The following SLC24A2 variants were observed in gnomAD, a reference collection of about 807,000 sequenced individuals.
The protein encoded by SLC24A2 is solute carrier family 24 member 2, also known as sodium/potassium/calcium exchanger 2.
Under a neutral mutation model 62.0 loss-of-function variants are expected in SLC24A2, and 36 were observed. The ratio of observed to expected loss-of-function variants is 0.58; its 90% confidence interval spans 0.44 to 0.77. The LOEUF (loss-of-function observed/expected upper bound fraction) is 0.77. Among genes scored for constraint, SLC24A2 ranks in the 30% least tolerant of loss-of-function variants. SLC24A2 has a pLI of 0.00. For missense variants in SLC24A2, 846 were observed against 817.9 expected (o/e 1.03, Z -0.42); for synonymous variants, 358 against 294.0 (o/e 1.22, Z -2.23).
the SLC24A2 span, among the ~76,000 whole-genome samples, chr9:20,038,044 G>C: frequency 6.6e-6 from 1 of 152,212 alleles, no homozygotes; most frequent in African/African-American, 2.4e-5. Flanking sequence ...TTATCTGAGA[G>C]TATAAATGTT....
At chr9:19,916,721 A>G in the SLC24A2 span, among the ~76,000 whole-genome samples, 2 of 151,998 alleles carry the variant, frequency 1.3e-5, no homozygotes, top group African/African-American at 2.4e-5. Context: ...ATATGGATGT[A>G]TAATAGTCAC....
chr9:19,605,170 A>G (rs1836949318), intron 4 of SLC24A2, among the ~76,000 whole-genome samples: 1 of 152,226 alleles, frequency 6.6e-6, no homozygotes, highest in South Asian at 2.1e-4. Flanking sequence ...AGGGCATGCC[A>G]TTATCTTTTG....
chr9:19,652,873 C>A (rs1191398736), intron 2 of SLC24A2, among the ~76,000 whole-genome samples: 8 of 151,688 alleles, frequency 5.3e-5, no homozygotes, highest in African/African-American at 1.9e-4. Context: ...TCGTGAAGCC[C>A]CTGCTATGTG....
the SLC24A2 span, among the ~76,000 whole-genome samples, chr9:20,117,060 G>A: frequency 1.3e-5 from 2 of 151,990 alleles, no homozygotes; most frequent in Non-Finnish European, 2.9e-5. Context: ...ATTTCATCTG[G>A]CAGGATTAGG....
At chr9:20,091,121 G>C in the SLC24A2 span, among the ~76,000 whole-genome samples, 3 of 150,626 alleles carry the variant, frequency 2.0e-5, no homozygotes, top group African/African-American at 7.3e-5. Context: ...TTGAAGACTG[G>C]CTCTCTGAAA....
chr9:20,030,097 A>G, the SLC24A2 span, among the ~76,000 whole-genome samples: 70,723 of 152,012 alleles, frequency 0.47, 17,556 homozygotes, highest in East Asian at 0.72. Flanking sequence ...TTAGACCTAG[A>G]GAGCAGCATA....
chr9:19,880,675 T>C, the SLC24A2 span, among the ~76,000 whole-genome samples: 1 of 151,898 alleles, frequency 6.6e-6, no homozygotes, highest in Non-Finnish European at 1.5e-5. Flanking sequence ...GTGTGGGAAA[T>C]GAAAGAAAGA....
At chr9:20,167,652 G>A in the SLC24A2 span, among the ~76,000 whole-genome samples, 1 of 151,972 alleles carries the variant, frequency 6.6e-6, no homozygotes, top group Admixed American at 6.6e-5. Flanking sequence ...AAGGTATAAG[G>A]TGAGACTAGA....
Position 19,667,498 on chromosome 9 carries a change from C to T in SLC24A2, c.931-45199G>A, listed in dbSNP as rs1819288586. Among the ~76,000 whole-genome samples, 5 of 152,294 alleles carry T rather than the reference C, an allele frequency of 3.3e-5. 1 individual carries two copies. The South Asian group carries it at 1.0e-3, about 32-fold the overall frequency. ...CTTCAGCTCCTTCCTTCTTTCCACC[C>T]CTATGTTTGCTCCCTGGACCAAGTG... On this transcript the variant is annotated intron_variant, in intron 2 of 10. Coordinates refer to ENST00000341998, the MANE Select transcript of SLC24A2 (RefSeq NM_020344.4).
intron 8 of SLC24A2, among the ~76,000 whole-genome samples, chr9:19,536,432 A>T (rs1833980758): frequency 9.1e-6 from 1 of 109,938 alleles, no homozygotes; most frequent in Non-Finnish European, 1.8e-5. Flanking sequence ...ATTCCCACCT[A>T]TGAGTGAGAA....
chr9:20,194,133 A>G, the SLC24A2 span, among the ~76,000 whole-genome samples: 1 of 152,100 alleles, frequency 6.6e-6, no homozygotes, highest in Non-Finnish European at 1.5e-5. Context: ...TCCACTAAGT[A>G]GAACTCTGGA....
intron 2 of SLC24A2, among the ~76,000 whole-genome samples, chr9:19,636,315 T>TTTCCTTTCCTTTCCTC (rs1554690361): frequency 2.5e-5 from 1 of 40,328 alleles, no homozygotes; most frequent in African/African-American, 1.2e-4. Context: ...TTTTCTTTTC[T>TTTCCTTTCCTTTCCTC]TTTCTTTCTT....
chr9:19,750,204 T>A (rs944173311), intron 2 of SLC24A2, among the ~76,000 whole-genome samples: 2 of 152,148 alleles, frequency 1.3e-5, no homozygotes, highest in African/African-American at 4.8e-5. Context: ...ACAGGAAGAT[T>A]CACTGGGAAT....
intron 2 of SLC24A2, among the ~76,000 whole-genome samples, chr9:19,734,137 T>C (rs995785566): frequency 6.6e-6 from 1 of 152,202 alleles, no homozygotes; most frequent in Non-Finnish European, 1.5e-5. Context: ...ATTTATTAAA[T>C]AGGGAATCCT....
In SLC24A2 at chr9:19,545,824, G is replaced by C. The variant is rs188476523; in HGVS notation, c.1479+4313C>G. Among the ~76,000 whole-genome samples, 1,168 of 152,084 alleles carry C rather than the reference G, an allele frequency of 7.7e-3. 16 individuals carry two copies. The highest frequency in any genetic ancestry group is 0.027 in the African/African-American group (1,114 of 41,474). ...TGCCTAATTTTTTGTGTTTTTACTA[G>C]AGACGGGTTTCACTGTGTTAGCCAG... On this transcript the variant is annotated intron_variant, in intron 8 of 10. Coordinates refer to ENST00000341998, the MANE Select transcript of SLC24A2 (RefSeq NM_020344.4).
chr9:19,869,234 G>A, the SLC24A2 span, among the ~76,000 whole-genome samples: 2 of 152,136 alleles, frequency 1.3e-5, no homozygotes, highest in African/African-American at 2.4e-5. Flanking sequence ...TCCTGCCTCG[G>A]ACTCCCAAGA....
At chr9:20,279,738 G>C in the SLC24A2 span, among the ~76,000 whole-genome samples, 1 of 152,100 alleles carries the variant, frequency 6.6e-6, no homozygotes, top group East Asian at 1.9e-4. Context: ...AAGATTACAT[G>C]TTAAGGGGTA....
chr9:20,176,084 A>T, the SLC24A2 span, among the ~76,000 whole-genome samples: 1 of 152,028 alleles, frequency 6.6e-6, no homozygotes, highest in Admixed American at 6.6e-5. Flanking sequence ...CCGTAACAAC[A>T]CTTGGGCTTT....
At chr9:19,733,080 CTCT>C (rs1290988204) in intron 2 of SLC24A2, among the ~76,000 whole-genome samples, 5 of 97,968 alleles carry the variant, frequency 5.1e-5, no homozygotes, top group African/African-American at 2.4e-4. Flanking sequence ...TAAGATGTGA[CTCT>C]TTTTTTTTTT....
Sources: gnomAD v4.1 joint callset for allele counts (sites outside exome capture counted in the v4.1 genomes callset) on GRCh38, gnomAD v4.1.1 for gene constraint, MANE v1.5 for transcripts, NCBI Gene and HGNC (gene_info 2026-07-23, HGNC 2026-07-21) for gene names.